Variants in PCNX2 observed in about 807,000 individuals in gnomAD.
The protein encoded by PCNX2 is pecanex 2, also known as pecanex-like protein 2.
In PCNX2, 168 loss-of-function variants were observed where a neutral mutation model predicts 223.8. The observed-to-expected ratio is 0.75, with a 90% CI of 0.66 to 0.85. The LOEUF (loss-of-function observed/expected upper bound fraction) is 0.85, where lower values mean the gene tolerates loss of function less well. Ranked by LOEUF, PCNX2 falls within the 40% of genes least tolerant of loss-of-function variation. The probability of loss-of-function intolerance (pLI) is 0.00; values close to 1 mark genes in which losing one functional copy is unlikely to be tolerated. For missense variants in PCNX2, 2,507 were observed against 2,675.5 expected, an observed-to-expected ratio of 0.94 and a Z score of 1.39; for synonymous variants, 1,006 against 1,052.6, an observed-to-expected ratio of 0.96 and a Z score of 0.86.
intron 19 of PCNX2, among the ~76,000 whole-genome samples, chr1:233,144,217 A>G (rs1677294960): frequency 6.6e-6 from 1 of 151,966 alleles, no homozygotes; most frequent in Admixed American, 6.6e-5. Context: ...TTGGCCTTAC[A>G]TTTTCTTTCA....
chr1:233,288,235 A>G (rs1661556062), intron 1 of PCNX2, among the ~76,000 whole-genome samples: 1 of 152,242 alleles, frequency 6.6e-6, no homozygotes, highest in African/African-American at 2.4e-5. Flanking sequence ...AGTAACACCA[A>G]GTGAATTAGA....
At chr1:233,025,423 AAGTTT>A in intron 25 of PCNX2, 24 bp from the exon 26 acceptor site, 1 of 1,610,414 alleles carries the variant, frequency 6.2e-7, no homozygotes. Context: ...AACATGAAGG[AAGTTT>A]GAAGAGAAGG....
intron 12 of PCNX2, 84 bp downstream of exon 12, chr1:233,217,815 G>T: frequency 6.8e-7 from 1 of 1,466,190 alleles, no homozygotes; most frequent in Non-Finnish European, 9.4e-7. Flanking sequence ...GTACAGACTT[G>T]GCCCTTTGAC....
At chr1:233,047,163 A>G (rs1354351159) in intron 25 of PCNX2, among the ~76,000 whole-genome samples, 1 of 152,174 alleles carries the variant, frequency 6.6e-6, no homozygotes, top group Non-Finnish European at 1.5e-5. Context: ...GGCCCAGGTG[A>G]CAGCAGCAGC....
chr1:233,032,085 A>T lies in PCNX2; in HGVS notation c.4352-6686T>A, dbSNP rs1429321716. 4 of 926,696 alleles carry T rather than the reference A, an allele frequency of 4.3e-6. No homozygotes were observed. The African/African-American group carries it at 1.0e-4, about 23-fold the overall frequency. The allele number at this position is 926,696 out of a possible 1,614,324, so 57.4% of individuals were successfully genotyped here. ...TCTCTTCCAATGGAGGAAATAAGAC[A>T]GTTTTCTTTCTTTCTTTCTTTCTTT... On this transcript the variant is annotated intron_variant, in intron 25 of 33. Coordinates refer to ENST00000258229, the MANE Select transcript of PCNX2 (RefSeq NM_014801.4).
intron 25 of PCNX2, among the ~76,000 whole-genome samples, chr1:233,033,595 C>A (rs1290823185): frequency 2.6e-5 from 4 of 152,244 alleles, no homozygotes; most frequent in African/African-American, 9.6e-5. Context: ...TGGTGAACAA[C>A]ATCCTTAATA....
chr1:233,291,729 T>C (rs1459017099), intron 1 of PCNX2: 1 of 976,942 alleles, frequency 1.0e-6, no homozygotes, highest in Non-Finnish European at 1.2e-6. Flanking sequence ...AAGAACACTC[T>C]GCTCTGAATC....
In PCNX2 at chr1:233,031,817, G is replaced by T. The variant is rs1015150952; in HGVS notation, c.4352-6418C>A. On this transcript the variant is annotated intron_variant, in intron 25 of 33. Transcript: ENST00000258229. ...TTTTTTTTTTTTAAACATTTCAAGG[G>T]TCTCTTAACTCATTCTCCAATATAC... 6.1e-5 allele frequency: 60 copies of T among 981,848 alleles called. No homozygotes were observed. The African/African-American group carries it at 1.0e-3, about 17-fold the overall frequency. The allele number at this position is 981,848 out of a possible 1,614,324, so 60.8% of individuals were successfully genotyped here. A position where few individuals can be genotyped will look rare whatever the true frequency, so the allele number is the denominator to read the frequency against.
intron 21 of PCNX2, among the ~76,000 whole-genome samples, chr1:233,119,754 G>T (rs1454622772): frequency 6.6e-6 from 1 of 152,044 alleles, no homozygotes; most frequent in Non-Finnish European, 1.5e-5. Context: ...TGATAAATTA[G>T]ACTTCACTAA....
At chr1:232,986,605 G>A in intron 32 of PCNX2, 65 bp from the exon 33 acceptor site, 4 of 1,388,788 alleles carry the variant, frequency 2.9e-6, no homozygotes, top group Non-Finnish European at 3.8e-6. Flanking sequence ...CCTGTGTGGT[G>A]CAGCAGGTGG....
At chr1:233,260,209 T>C (rs376452057) in intron 4 of PCNX2, among the ~76,000 whole-genome samples, 1 of 152,214 alleles carries the variant, frequency 6.6e-6, no homozygotes, top group Admixed American at 6.5e-5. Flanking sequence ...AGGTATGGGT[T>C]TAAATGCTAC....
intron 17 of PCNX2, among the ~76,000 whole-genome samples, chr1:233,165,228 A>G (rs945891295): frequency 3.3e-5 from 5 of 152,228 alleles, no homozygotes; most frequent in Non-Finnish European, 4.4e-5. Context: ...TACATTCTCA[A>G]CAGCAGCATG....
chr1:233,052,138 C>A (rs549944078), intron 25 of PCNX2, among the ~76,000 whole-genome samples: 35 of 152,126 alleles, frequency 2.3e-4, no homozygotes, highest in African/African-American at 8.4e-4. Context: ...GAAAAGTGCA[C>A]GGAATGCACA....
At chr1:233,202,021 T>C (rs1681145154) in intron 13 of PCNX2, 1 of 348,914 alleles carries the variant, frequency 2.9e-6, no homozygotes, top group South Asian at 2.4e-5. Flanking sequence ...CAAAACATCC[T>C]GGAGGAGGAA....
chr1:233,237,329 A>G (rs1658483992), intron 8 of PCNX2, among the ~76,000 whole-genome samples: 1 of 152,122 alleles, frequency 6.6e-6, no homozygotes, highest in Middle Eastern at 3.2e-3. Flanking sequence ...TTTTGTAAAA[A>G]CAAATAGTGG....
At chr1:233,005,930 A>G (rs973609789) in intron 28 of PCNX2, among the ~76,000 whole-genome samples, 3 of 152,136 alleles carry the variant, frequency 2.0e-5, no homozygotes, top group Non-Finnish European at 4.4e-5. Context: ...CCCCACTCGC[A>G]CGCCTGTGGA....
chr1:233,263,360 C>T (rs893239361), intron 1 of PCNX2, among the ~76,000 whole-genome samples, 197 bp from the exon 2 acceptor site: 1 of 151,636 alleles, frequency 6.6e-6, no homozygotes, highest in Non-Finnish European at 1.5e-5. Flanking sequence ...TTTTTTGTTT[C>T]TCAGGTTCTG....
intron 1 of PCNX2, among the ~76,000 whole-genome samples, chr1:233,290,387 T>TGGATA (rs1661692817): frequency 6.6e-6 from 1 of 152,122 alleles, no homozygotes; most frequent in East Asian, 1.9e-4. Context: ...GATGGACAAA[T>TGGATA]GGATAGAAAG....
In PCNX2 at chr1:233,242,684, G is replaced by C. The variant is rs573068274; in HGVS notation, c.2223-5704C>G. ...CTTTAATTACAAGATCTACTGAGTA[G>C]TAATAAAACTTCACTCTGCAACAAA... On this transcript the variant is annotated intron_variant, in intron 8 of 33. Coordinates refer to ENST00000258229, the MANE Select transcript of PCNX2 (RefSeq NM_014801.4). Among the ~76,000 whole-genome samples, 3 of 152,324 alleles carry C rather than the reference G, an allele frequency of 2.0e-5. No homozygotes were observed. In the East Asian group the frequency reaches 5.8e-4, roughly 29 times the overall value.
Sources: allele counts gnomAD v4.1 joint callset (sites outside exome capture counted in the v4.1 genomes callset), GRCh38; gene constraint gnomAD v4.1.1; transcripts MANE v1.5; gene names NCBI Gene and HGNC (gene_info 2026-07-23, HGNC 2026-07-21).